The following FBXO4 variants were observed in gnomAD, a reference collection of about 807,000 sequenced individuals.
The protein encoded by FBXO4 is F-box only protein 4.
In FBXO4, 36 loss-of-function variants were observed where a neutral mutation model predicts 43.7. That is an observed-to-expected ratio of 0.82 (90% confidence interval 0.63 to 1.09). FBXO4 has a LOEUF of 1.09. Ranked by LOEUF, FBXO4 falls within the 50% of genes least tolerant of loss-of-function variation. The probability of loss-of-function intolerance (pLI) is 0.00; values close to 1 mark genes in which losing one functional copy is unlikely to be tolerated. For missense variants in FBXO4, 435 were observed against 474.1 expected, an observed-to-expected ratio of 0.92 and a Z score of 0.77; for synonymous variants, 180 against 165.6, an observed-to-expected ratio of 1.09 and a Z score of -0.67.
chr5:42,030,676 C>T, the FBXO4 span, among the ~76,000 whole-genome samples: 2 of 151,408 alleles, frequency 1.3e-5, no homozygotes, highest in Admixed American at 6.7e-5. Context: ...AGGCAACCTA[C>T]AAAATGGGAG....
At chr5:41,990,333 A>G in the FBXO4 span, among the ~76,000 whole-genome samples, 8 of 152,334 alleles carry the variant, frequency 5.3e-5, 2 homozygotes, top group South Asian at 1.4e-3. Flanking sequence ...AATCTATCAG[A>G]CATTCAGCCT....
intron 6 of FBXO4, among the ~76,000 whole-genome samples, chr5:41,939,941 T>C (rs1751961472): frequency 6.8e-6 from 1 of 146,004 alleles, no homozygotes; most frequent in Non-Finnish European, 1.5e-5. Flanking sequence ...CCTCAACCTC[T>C]TGGGCTCAGG....
chr5:41,944,306 A>G (rs143791855), downstream of FBXO4, among the ~76,000 whole-genome samples: 633 of 152,352 alleles, frequency 4.2e-3, 2 homozygotes, highest in Middle Eastern at 0.017. Flanking sequence ...TAGAGAAAGT[A>G]CAATTCTCCA....
chr5:42,036,422 A>G, the FBXO4 span, among the ~76,000 whole-genome samples: 1 of 152,120 alleles, frequency 6.6e-6, no homozygotes. Context: ...GGAAAACAGC[A>G]CATAGACCAC....
chr5:42,006,609 G>T, the FBXO4 span, among the ~76,000 whole-genome samples: 2 of 151,842 alleles, frequency 1.3e-5, no homozygotes, highest in African/African-American at 2.4e-5. Context: ...CAAGTAATGT[G>T]TAAATATGAA....
chr5:41,927,215 T>C lies in FBXO4; in HGVS notation c.392T>C (p.Val131Ala). ...ATCTTAAAAAAGCCTATATCTGAGG[T>C]CACTGATGGTGCATTTTTTGACTAC... ...LEILKKPISE[V>A]TDGAFFDYMA... The change falls in exon 2 of 7, where the codon GTC becomes GCC. Residue 131 changes from valine to alanine, a missense_variant. Physicochemically the swap from Val to Ala is moderately conservative, Grantham distance 64. Transcript: ENST00000281623. 1 of 1,607,536 alleles carries C rather than the reference T, an allele frequency of 6.2e-7. No individual in the cohort carries two copies. The highest frequency in any genetic ancestry group is 8.5e-7 in the Non-Finnish European group (1 of 1,178,326).
the FBXO4 span, among the ~76,000 whole-genome samples, chr5:42,017,832 T>G: frequency 6.6e-6 from 1 of 152,080 alleles, no homozygotes; most frequent in Non-Finnish European, 1.5e-5. Context: ...ATTTTCTTTA[T>G]CTAATCTACC....
the FBXO4 span, among the ~76,000 whole-genome samples, chr5:41,997,605 T>C: frequency 0.15 from 22,664 of 152,012 alleles, 2,849 homozygotes; most frequent in African/African-American, 0.34. Flanking sequence ...ACTGGACCCA[T>C]TGTAAGTTGG....
chr5:41,992,316 A>G, the FBXO4 span, among the ~76,000 whole-genome samples: 2 of 152,216 alleles, frequency 1.3e-5, no homozygotes, highest in Non-Finnish European at 1.5e-5. Context: ...AGGTACATGA[A>G]CATGATGGTT....
chr5:41,974,690 A>C, the FBXO4 span, among the ~76,000 whole-genome samples: 1 of 152,130 alleles, frequency 6.6e-6, no homozygotes, highest in African/African-American at 2.4e-5. Flanking sequence ...TTAGAACTTT[A>C]AAACATATTA....
chr5:41,945,595 A>T (rs1176114217), downstream of FBXO4, among the ~76,000 whole-genome samples: 2 of 152,156 alleles, frequency 1.3e-5, no homozygotes, highest in East Asian at 3.9e-4. Context: ...GCAGTCAGGG[A>T]GGTTTCACAT....
chr5:41,927,304 A>G, intron 2 of FBXO4, 56 bp downstream of exon 2: 1 of 1,280,552 alleles, frequency 7.8e-7, no homozygotes, highest in African/African-American at 1.5e-5. Flanking sequence ...CTGTATTACT[A>G]GTCAATATCC....
the FBXO4 span, among the ~76,000 whole-genome samples, chr5:41,959,280 T>C: frequency 6.6e-6 from 1 of 152,350 alleles, no homozygotes; most frequent in African/African-American, 2.4e-5. Context: ...TTCTTATATC[T>C]TTTGGATATT....
chr5:42,011,119 T>C, the FBXO4 span, among the ~76,000 whole-genome samples: 1 of 152,194 alleles, frequency 6.6e-6, no homozygotes, highest in African/African-American at 2.4e-5. Flanking sequence ...TTTTTCCTGA[T>C]GGGCTAGAAT....
the FBXO4 span, among the ~76,000 whole-genome samples, chr5:42,017,071 T>A: frequency 3.3e-3 from 505 of 152,106 alleles, 7 homozygotes; most frequent in East Asian, 0.038. Context: ...AATGTTTCTT[T>A]TATTATAGTA....
chr5:41,967,995 G>T, the FBXO4 span: 24 of 439,404 alleles, frequency 5.5e-5, no homozygotes, highest in Admixed American at 2.6e-4. Context: ...ATGGCCCTTT[G>T]TTGCCAGAGG....
At chr5:41,990,362 A>T in the FBXO4 span, among the ~76,000 whole-genome samples, 1 of 152,224 alleles carries the variant, frequency 6.6e-6, no homozygotes, top group African/African-American at 2.4e-5. Flanking sequence ...TAAAGTATTC[A>T]TAGTCATTGC....
At chr5:41,927,977 A>T (rs1751558968) in intron 2 of FBXO4, among the ~76,000 whole-genome samples, 1 of 152,252 alleles carries the variant, frequency 6.6e-6, no homozygotes, top group Non-Finnish European at 1.5e-5. Flanking sequence ...GCATTATTTT[A>T]AAAATTTCAA....
chr5:41,926,965 C>T (rs1474875545), intron 1 of FBXO4, 48 bp from the exon 2 acceptor site: 1 of 1,236,740 alleles, frequency 8.1e-7, no homozygotes, highest in Non-Finnish European at 1.1e-6. Flanking sequence ...CACCCAAAAA[C>T]TATTTTCTTC....
Sources: allele counts gnomAD v4.1 joint callset (sites outside exome capture counted in the v4.1 genomes callset), GRCh38; gene constraint gnomAD v4.1.1; transcripts MANE v1.5; gene names NCBI Gene and HGNC (gene_info 2026-07-23, HGNC 2026-07-21).